The following PCDHGA6 variants were observed in gnomAD, a reference collection of about 807,000 sequenced individuals.
The protein encoded by PCDHGA6 is protocadherin gamma subfamily A, 6.
Under a neutral mutation model 60.6 loss-of-function variants are expected in PCDHGA6, and 41 were observed. The ratio of observed to expected loss-of-function variants is 0.68; its 90% CI spans 0.53 to 0.88. The LOEUF (loss-of-function observed/expected upper bound fraction) is 0.88. Among genes scored for constraint, PCDHGA6 ranks in the 40% least tolerant of loss-of-function variants. PCDHGA6 has a pLI of 0.00. For missense variants in PCDHGA6, 1,312 were observed against 1,203.0 expected (o/e 1.09, Z -1.34); for synonymous variants, 594 against 524.4 (o/e 1.13, Z -1.81).
chr5:141,459,573 T>TTC (rs2098970689), intron 1 of PCDHGA6, among the ~76,000 whole-genome samples: 1 of 152,208 alleles, frequency 6.6e-6, no homozygotes, highest in Non-Finnish European at 1.5e-5. Context: ...CAAAACAGAA[T>TTC]TGTTTTGGGG....
chr5:141,394,860 G>A, intron 1 of PCDHGA6: 1 of 1,613,792 alleles, frequency 6.2e-7, no homozygotes, highest in African/African-American at 1.3e-5. Flanking sequence ...GCCTTCGGTC[G>A]ACCCGAACGA....
intron 1 of PCDHGA6, chr5:141,419,357 AC>A (rs1185938270): frequency 3.7e-6 from 6 of 1,613,814 alleles, no homozygotes; most frequent in Non-Finnish European, 4.2e-6. Context: ...GGAGTCACGA[AC>A]GCTGTCGTCC....
In PCDHGA6 at chr5:141,490,692, G is replaced by C. The variant is rs751109998; in HGVS notation, c.2425-4115G>C. 16 of 1,614,154 alleles carry C rather than the reference G, an allele frequency of 9.9e-6. 1 individual carries two copies. The Middle Eastern group carries it at 6.6e-4, about 67-fold the overall frequency. ...TGGCTGCCTCAGATCCAGACACTGG[G>C]GATAATGCCCGCCTCACCTACTCCA... On this transcript the variant is annotated intron_variant, in intron 1 of 3. Transcript: ENST00000517434. This position sits in a 1 kb window ranked among gnomAD's most constrained non-coding sequence, Gnocchi z 5.4.
Position 141,375,105 on chromosome 5 carries a change from A to C in PCDHGA6, c.1022A>C (p.Asn341Thr), listed in dbSNP as rs371346343. ...AKVLITILDV[N>T]DNVPEVVVTS... ...GTCTTAATAACTATCTTGGATGTCA[A>C]TGATAATGTACCAGAAGTGGTTGTT... The change falls in exon 1 of 4, where the codon AAT (asparagine) becomes ACT (threonine). Residue 341 changes from asparagine to threonine, a missense_variant. Asn to Thr is a moderately conservative substitution (Grantham distance 65). Transcript: ENST00000517434. The C allele has an allele frequency of 8.7e-6, 14 of 1,613,840 alleles. No individual in the cohort carries two copies. The highest frequency in any genetic ancestry group is 2.7e-5 in the African/African-American group (2 of 74,940).
intron 1 of PCDHGA6, chr5:141,384,851 A>G (rs1460277994): frequency 1.9e-6 from 3 of 1,613,516 alleles, no homozygotes; most frequent in East Asian, 2.2e-5. Flanking sequence ...GACCACGGTC[A>G]GCCTCCTCTG....
At chr5:141,398,606 C>T in intron 1 of PCDHGA6, 1 of 1,614,000 alleles carries the variant, frequency 6.2e-7, no homozygotes, top group Non-Finnish European at 8.5e-7. Context: ...GCAGAAGATG[C>T]AGATATTGGC....
intron 1 of PCDHGA6, chr5:141,405,042 T>C (rs765018710): frequency 1.2e-6 from 2 of 1,613,144 alleles, no homozygotes; most frequent in South Asian, 1.1e-5. Flanking sequence ...GTTGTGGCTG[T>C]GGCAGTCGTC....
rs781173070 is a variant in PCDHGA6, at chr5:141,374,478, G to T, written c.395G>T (p.Arg132Leu). 3.1e-6 allele frequency: 5 copies of T among 1,611,820 alleles called. No homozygotes were observed. In the Admixed American group the frequency reaches 5.0e-5, roughly 16 times the overall value. ...EIVDINDNTP[R>L]FLKEELEVKI... The stretch of plus-strand genomic sequence containing the variant: ...GTGGACATTAATGACAATACACCCC[G>T]ATTCTTAAAGGAAGAATTGGAAGTG... The change falls in exon 1 of 4, where the codon CGA becomes CTA. Residue 132 changes from arginine to leucine, a missense_variant. By Grantham distance (102) the Arg-to-Leu change is moderately radical. Coordinates refer to ENST00000517434, the MANE Select transcript of PCDHGA6 (RefSeq NM_018919.3).
intron 1 of PCDHGA6, among the ~76,000 whole-genome samples, chr5:141,466,613 C>T (rs772278295): frequency 1.2e-4 from 19 of 152,144 alleles, no homozygotes; most frequent in Non-Finnish European, 2.4e-4. Context: ...TGTAAACTGC[C>T]GTTTTCTTTG....
chr5:141,382,453 G>A (rs1300977672), intron 1 of PCDHGA6, among the ~76,000 whole-genome samples: 1 of 152,202 alleles, frequency 6.6e-6, no homozygotes, highest in Non-Finnish European at 1.5e-5. Flanking sequence ...GCAAGGCAAA[G>A]CAGTTTTTTA....
intron 1 of PCDHGA6, chr5:141,427,677 C>G: frequency 1.2e-6 from 1 of 816,672 alleles, no homozygotes; most frequent in Non-Finnish European, 2.1e-6. Context: ...AAACAACCTT[C>G]CCGGAGCCTC....
At chr5:141,435,446 G>C (rs889481920) in intron 1 of PCDHGA6, among the ~76,000 whole-genome samples, 5 of 152,060 alleles carry the variant, frequency 3.3e-5, no homozygotes, top group African/African-American at 2.4e-5. Context: ...TCATTAATAC[G>C]ATATCTGTAT....
chr5:141,482,205 C>A (rs1478729653), intron 1 of PCDHGA6, among the ~76,000 whole-genome samples: 1 of 151,896 alleles, frequency 6.6e-6, no homozygotes, highest in Non-Finnish European at 1.5e-5. Context: ...TAAAACAGAC[C>A]AGGTACTTGT....
intron 2 of PCDHGA6, among the ~76,000 whole-genome samples, chr5:141,499,102 C>T (rs1172661012): frequency 1.3e-5 from 2 of 152,170 alleles, no homozygotes; most frequent in Admixed American, 6.5e-5. Context: ...TGCTTCTCCT[C>T]CCCACCACTA....
intron 3 of PCDHGA6, among the ~76,000 whole-genome samples, chr5:141,509,335 G>C (rs113423267): frequency 6.6e-6 from 1 of 152,144 alleles, no homozygotes; most frequent in African/African-American, 2.4e-5. Context: ...CTGCCAGCTG[G>C]GCCTGGGCTG....
chr5:141,475,424 T>C (rs2099363271), intron 1 of PCDHGA6, among the ~76,000 whole-genome samples: 1 of 152,244 alleles, frequency 6.6e-6, no homozygotes, highest in African/African-American at 2.4e-5. Context: ...CTCCTGCTAA[T>C]TTGATAGTAG....
chr5:141,454,101 A>T (rs2098781558), intron 1 of PCDHGA6, among the ~76,000 whole-genome samples: 1 of 152,256 alleles, frequency 6.6e-6, no homozygotes. Flanking sequence ...ATTGAACATA[A>T]ATGGAGTTAT....
intron 1 of PCDHGA6, among the ~76,000 whole-genome samples, chr5:141,452,815 A>G (rs1199990390): frequency 6.6e-6 from 1 of 152,186 alleles, no homozygotes; most frequent in Admixed American, 6.5e-5. Flanking sequence ...TTTGTTCATA[A>G]GAAGCAAAAT....
chr5:141,402,954 T>C, intron 1 of PCDHGA6: 3 of 1,601,320 alleles, frequency 1.9e-6, no homozygotes, highest in Non-Finnish European at 2.6e-6. Context: ...GAGGCAGCAA[T>C]GGCAGCTCCA....
Sources: gnomAD v4.1 joint callset for allele counts (sites outside exome capture counted in the v4.1 genomes callset) on GRCh38, gnomAD v4.1.1 for gene constraint, Gnocchi (gnomAD v3.1) non-coding constraint, MANE v1.5 for transcripts, NCBI Gene and HGNC (gene_info 2026-07-23, HGNC 2026-07-21) for gene names.